HPSE2: variants seen among roughly 807,000 people sequenced by gnomAD.
The protein encoded by HPSE2 is heparanase 2 (inactive), also known as inactive heparanase-2.
Under a neutral mutation model 60.5 loss-of-function variants are expected in HPSE2, and 38 were observed. The ratio of observed to expected loss-of-function variants is 0.63; its 90% CI spans 0.48 to 0.82. HPSE2 has a LOEUF of 0.82. Ranked by LOEUF, HPSE2 falls within the 40% of genes least tolerant of loss-of-function variation. The pLI, the probability that HPSE2 is intolerant of heterozygous loss-of-function variation, is 0.00. For synonymous variants in HPSE2, 295 were observed against 293.2 expected, an observed-to-expected ratio of 1.01 and a Z score of -0.06; for missense variants, 713 against 740.4, an observed-to-expected ratio of 0.96 and a Z score of 0.43.
intron 3 of HPSE2, among the ~76,000 whole-genome samples, chr10:98,765,065 G>T (rs557417105): frequency 6.6e-6 from 1 of 152,140 alleles, no homozygotes; most frequent in South Asian, 2.1e-4. Flanking sequence ...AGAAGAAACA[G>T]CCAAATCTGC....
At chr10:99,114,323 T>G (rs979350166) in intron 3 of HPSE2, among the ~76,000 whole-genome samples, 1 of 152,200 alleles carries the variant, frequency 6.6e-6, no homozygotes, top group Non-Finnish European at 1.5e-5. Flanking sequence ...CCAAAAAAAA[T>G]TCCTTTTTAT....
intron 2 of HPSE2, among the ~76,000 whole-genome samples, chr10:99,176,770 C>T (rs1008442987): frequency 1.3e-5 from 2 of 151,926 alleles, no homozygotes; most frequent in African/African-American, 4.8e-5. Flanking sequence ...ATACAGAGAA[C>T]ACCATAAAGA....
At chr10:98,464,641 C>G (rs909758978) in intron 11 of HPSE2, among the ~76,000 whole-genome samples, 18 of 152,166 alleles carry the variant, frequency 1.2e-4, no homozygotes, top group African/African-American at 4.3e-4. Context: ...ATCCTCAATG[C>G]CTAAAGAGGT....
intron 6 of HPSE2, among the ~76,000 whole-genome samples, chr10:98,654,345 T>C (rs573674996): frequency 1.3e-5 from 2 of 152,328 alleles, no homozygotes; most frequent in East Asian, 3.9e-4. Flanking sequence ...TTCTTCTCCT[T>C]CTGCTATTCT....
chr10:99,315,843 C>T, the HPSE2 span, among the ~76,000 whole-genome samples: 1 of 152,156 alleles, frequency 6.6e-6, no homozygotes, highest in Non-Finnish European at 1.5e-5. Context: ...AATCTTGTGC[C>T]CTTAATTAAC....
At chr10:98,982,325 T>G (rs1956226443) in intron 3 of HPSE2, among the ~76,000 whole-genome samples, 1 of 152,152 alleles carries the variant, frequency 6.6e-6, no homozygotes, top group African/African-American at 2.4e-5. Context: ...TTTAAGTTAA[T>G]TTCAAAACAT....
chr10:99,094,251 T>C (rs1390820946), intron 3 of HPSE2, among the ~76,000 whole-genome samples: 1 of 151,876 alleles, frequency 6.6e-6, no homozygotes, highest in Non-Finnish European at 1.5e-5. Flanking sequence ...TCTAGCTTTA[T>C]TGAGGCACAT....
intron 6 of HPSE2, among the ~76,000 whole-genome samples, chr10:98,679,273 A>T (rs115228985): frequency 0.013 from 2,052 of 152,294 alleles, 45 homozygotes; most frequent in African/African-American, 0.046. Context: ...TGGTCCAGGG[A>T]CTTTTGGAGG....
intron 7 of HPSE2, among the ~76,000 whole-genome samples, chr10:98,631,673 G>A (rs1176692194): frequency 3.9e-5 from 6 of 152,146 alleles, no homozygotes; most frequent in Non-Finnish European, 7.3e-5. Context: ...TCCTCCAAAT[G>A]TCCATGGGTA....
At position 99,063,912 on chromosome 10, in the gene HPSE2, G is replaced by C. The variant is rs528322055; in HGVS notation, c.610+80326C>G. ...GATTGAGATCATCCTGGCCAACACG[G>C]TGAAACCCCATCTCTACTAAAAATA... On this transcript the variant is annotated intron_variant, in intron 3 of 11. Coordinates refer to ENST00000370552, the MANE Select transcript of HPSE2 (RefSeq NM_021828.5). Among the ~76,000 whole-genome samples, 6 of 152,234 alleles carry C rather than the reference G, an allele frequency of 3.9e-5. No homozygotes were observed. The East Asian group carries it at 1.2e-3, about 29-fold the overall frequency.
the HPSE2 span, among the ~76,000 whole-genome samples, chr10:99,290,352 T>C: frequency 1.3e-5 from 2 of 152,170 alleles, no homozygotes; most frequent in South Asian, 4.1e-4. Flanking sequence ...TCATACCTTG[T>C]AAGAATTGTA....
At chr10:98,522,922 C>T (rs1331048042) in intron 9 of HPSE2, among the ~76,000 whole-genome samples, 1 of 152,120 alleles carries the variant, frequency 6.6e-6, no homozygotes, top group Non-Finnish European at 1.5e-5. Context: ...GCCCACACTG[C>T]CAAACTGGAT....
chr10:98,865,151 A>G (rs1361262347), intron 3 of HPSE2, among the ~76,000 whole-genome samples: 2 of 152,150 alleles, frequency 1.3e-5, no homozygotes, highest in Admixed American at 6.6e-5. Context: ...TAAGACTTAA[A>G]TTAAATTATA....
chr10:98,745,789 G>A (rs1028592377), intron 3 of HPSE2, among the ~76,000 whole-genome samples: 2 of 152,106 alleles, frequency 1.3e-5, no homozygotes, highest in East Asian at 3.8e-4. Flanking sequence ...CCTAGTAGCC[G>A]TTAAAGCTAA....
rs1429134512 is a variant in HPSE2, at chr10:98,862,601, G to A, written c.611-118545C>T. Among the ~76,000 whole-genome samples, 3 of 152,142 alleles carry A rather than the reference G, an allele frequency of 2.0e-5. No individual in the cohort carries two copies. The East Asian group carries it at 5.8e-4, about 29-fold the overall frequency. ...TCATGCTTTTGGGAGAGTGATCATGGAAGGATATACTAGGCTTAGCAGAGA... is the reference window on the plus strand; with the variant it reads ...TCATGCTTTTGGGAGAGTGATCATGAAAGGATATACTAGGCTTAGCAGAGA... On this transcript the variant is annotated intron_variant, in intron 3 of 11. Transcript: ENST00000370552.
chr10:98,957,761 T>A (rs1183171531), intron 3 of HPSE2, among the ~76,000 whole-genome samples: 1 of 152,188 alleles, frequency 6.6e-6, no homozygotes, highest in Non-Finnish European at 1.5e-5. Flanking sequence ...CATGTAGGCA[T>A]GCCATGAACA....
At chr10:99,001,073 T>C (rs1956767604) in intron 3 of HPSE2, among the ~76,000 whole-genome samples, 1 of 152,144 alleles carries the variant, frequency 6.6e-6, no homozygotes, top group Non-Finnish European at 1.5e-5. Flanking sequence ...GATTTTAATA[T>C]GTTTATTATC....
chr10:98,457,982 G>C lies in HPSE2; in HGVS notation c.*1592C>G, dbSNP rs4917832. ...AAGCATGTCAAAACCCGGTCCCCTC[G>C]CTTCCTGGAATTAGGTAGTCAGCTT... is the stretch of plus-strand genomic sequence containing the variant. On this transcript the variant is annotated 3_prime_UTR_variant, in exon 12 of 12. Coordinates refer to ENST00000370552, the MANE Select transcript of HPSE2 (RefSeq NM_021828.5). The C allele has an allele frequency of 0.56, 84,935 of 151,946 alleles. 24,653 individuals are homozygous for C. The highest frequency in any genetic ancestry group is 0.72 in the African/African-American group (29,749 of 41,406). The allele number at this position is 151,946 out of a possible 1,614,324, so 9.4% of individuals were successfully genotyped here.
intron 3 of HPSE2, among the ~76,000 whole-genome samples, chr10:98,753,478 C>A (rs535527452): frequency 6.6e-6 from 1 of 152,046 alleles, no homozygotes; most frequent in Admixed American, 6.5e-5. Context: ...TTCACAATAG[C>A]CAAAAAGGTG....
Sources: allele counts gnomAD v4.1 joint callset (sites outside exome capture counted in the v4.1 genomes callset), GRCh38; gene constraint gnomAD v4.1.1; transcripts MANE v1.5; gene names NCBI Gene and HGNC (gene_info 2026-07-23, HGNC 2026-07-21).